The following NUDT5 variants were observed in gnomAD, a reference collection of about 807,000 sequenced individuals.
NUDT5 encodes ADP-sugar pyrophosphatase.
NUDT5 carries 21 observed loss-of-function variants against 34.1 expected under a neutral mutation model. The ratio of observed to expected loss-of-function variants is 0.62; its 90% CI spans 0.44 to 0.89. The LOEUF is 0.89. NUDT5 is among the 40% of genes least tolerant of loss of function. The probability of loss-of-function intolerance (pLI) is 0.00; values close to 1 mark genes in which losing one functional copy is unlikely to be tolerated. For missense variants in NUDT5, 249 were observed against 274.8 expected (o/e 0.91, Z 0.66); for synonymous variants, 85 against 97.6 (o/e 0.87, Z 0.76).
In NUDT5 at chr10:12,172,738, C is replaced by T. The variant is rs560114676; in HGVS notation, c.487+27G>A. On this transcript the variant is annotated intron_variant, in intron 7 of 9. Transcript: ENST00000491614. ...CAAGACACGTAATGCAACCACACCA[C>T]CTTCATCACAGCCGACACACACATA... is the stretch of plus-strand genomic sequence containing the variant. 9.1e-6 allele frequency: 14 copies of T among 1,530,214 alleles called. No individual in the cohort carries two copies. The African/African-American group carries it at 1.5e-4, about 16-fold the overall frequency. 94.8% of individuals were successfully genotyped at this position (1,530,214 alleles called of 1,614,324 possible). A position where few individuals can be genotyped will look rare whatever the true frequency, so the allele number is the denominator to read the frequency against.
rs142660383 is a variant in NUDT5 at position 12,185,349 on chromosome 10, G to C, written c.64-393C>G. On this transcript the variant is annotated intron_variant, in intron 2 of 9. Transcript: ENST00000491614. Reference sequence around the variant, plus strand: ...ACAACACAGGTGAGTTTCATATGTAGAAATGGCCATTTCTAGACACTGGTA... The same window carrying C: ...ACAACACAGGTGAGTTTCATATGTACAAATGGCCATTTCTAGACACTGGTA... Among the ~76,000 whole-genome samples, 112 of 152,326 alleles carry C rather than the reference G, an allele frequency of 7.4e-4. 1 individual carries two copies. Among genetic ancestry groups the C allele is most frequent in the Middle Eastern group, 3.4e-3 (1 of 294 alleles).
At chr10:12,188,599 G>T (rs2131716727) in intron 1 of NUDT5, among the ~76,000 whole-genome samples, 1 of 152,088 alleles carries the variant, frequency 6.6e-6, no homozygotes, top group Non-Finnish European at 1.5e-5. Flanking sequence ...GACGTGGTGG[G>T]GTGCGCCTGT....
rs183262569 is a variant in NUDT5, at chr10:12,168,377, G to A, written c.551-566C>T. On this transcript the variant is annotated intron_variant, in intron 9 of 9. Coordinates refer to ENST00000491614, the MANE Select transcript of NUDT5 (RefSeq NM_014142.4). The surrounding 1 kb of genome is among the most constrained non-coding windows in gnomAD (Gnocchi z 4.8). ...AAGTTGGAAGTGTATAGAGCCAATC[G>A]CTATACCTCATTTATAGCTGGGGTA... Among the ~76,000 whole-genome samples, 721 of 152,268 alleles carry A rather than the reference G, an allele frequency of 4.7e-3. 3 individuals are homozygous for A. The highest frequency in any genetic ancestry group is 8.0e-3 in the Non-Finnish European group (545 of 68,010).
chr10:12,186,774 T>C (rs763784113), intron 1 of NUDT5, among the ~76,000 whole-genome samples: 2 of 151,106 alleles, frequency 1.3e-5, no homozygotes, highest in Admixed American at 6.6e-5. Flanking sequence ...ATTACAGGCA[T>C]ACATCACCAG....
intron 1 of NUDT5, among the ~76,000 whole-genome samples, chr10:12,193,866 A>G (rs899023788): frequency 1.5e-4 from 21 of 143,930 alleles, no homozygotes; most frequent in African/African-American, 5.0e-4. Context: ...TAATCTCTAC[A>G]CTCTTTTTTT....
chr10:12,169,128 G>A lies in NUDT5; in HGVS notation c.551-1317C>T, dbSNP rs1430936297. 16 of 564,576 alleles carry A rather than the reference G, an allele frequency of 2.8e-5. No homozygotes were observed. The highest frequency in any genetic ancestry group is 1.2e-4 in the East Asian group (4 of 32,040). The allele number at this position is 564,576 out of a possible 1,614,324, so 35.0% of individuals were successfully genotyped here. A position where few individuals can be genotyped will look rare whatever the true frequency, so the allele number is the denominator to read the frequency against. ...CTCAAATGTTGCTGGTTGAATAAAC[G>A]GTTTGATTACTGTATTTTGATTCTG... On this transcript the variant is annotated intron_variant, in intron 9 of 9. Coordinates refer to ENST00000491614, the MANE Select transcript of NUDT5 (RefSeq NM_014142.4). The surrounding 1 kb of genome is among the most constrained non-coding windows in gnomAD (Gnocchi z 4.8).
rs1834749241 is a variant in NUDT5 at position 12,168,005 on chromosome 10, G to A, written c.551-194C>T. ...AGGCAAGATTACATTCCTAGCATGA[G>A]ACAAGAACATCAGGGATAATGATTT... On this transcript the variant is annotated intron_variant, in intron 9 of 9. Coordinates refer to ENST00000491614, the MANE Select transcript of NUDT5 (RefSeq NM_014142.4). The surrounding 1 kb of genome is among the most constrained non-coding windows in gnomAD (Gnocchi z 4.8). 7.6e-6 allele frequency: 8 copies of A among 1,047,370 alleles called. No homozygotes were observed. The highest frequency in any genetic ancestry group is 4.0e-5 in the South Asian group (2 of 49,942). 64.9% of individuals were successfully genotyped at this position (1,047,370 alleles called of 1,614,324 possible).
chr10:12,165,341 C>T lies in NUDT5; in HGVS notation c.*2361G>A. 1 of 981,494 alleles carries T rather than the reference C, an allele frequency of 1.0e-6. No individual in the cohort carries two copies. The highest frequency in any genetic ancestry group is 4.7e-5 in the South Asian group (1 of 21,204). 60.8% of individuals were successfully genotyped at this position (981,494 alleles called of 1,614,324 possible). A position where few individuals can be genotyped will look rare whatever the true frequency, so the allele number is the denominator to read the frequency against. ...CAGCAACATGAGTGTAAACAGTAGA[C>T]AATAAACTTTTATTTAAGAAAACTG... On this transcript the variant is annotated 3_prime_UTR_variant, in exon 10 of 10. Transcript: ENST00000491614.
At chr10:12,172,906 G>C (rs1232549518) in intron 6 of NUDT5, 40 bp from the exon 7 acceptor site, 1 of 1,429,554 alleles carries the variant, frequency 7.0e-7, no homozygotes, top group South Asian at 1.2e-5. Flanking sequence ...CAGTCCCTTT[G>C]GCATTTGTTT....
chr10:12,182,608 G>C lies in NUDT5; in HGVS notation c.131+2281C>G, dbSNP rs772339331. 6.6e-6 allele frequency among the ~76,000 whole-genome samples: 1 copy of C among 152,188 alleles called. No individual in the cohort carries two copies. Among genetic ancestry groups the C allele is most frequent in the South Asian group, 2.1e-4 (1 of 4,828 alleles). Reference sequence around the variant, plus strand: ...CCCAATCTACTGAAATAGATATTCTGAAGTGAGATTTCGTCGTATTTTCAG... The same window carrying C: ...CCCAATCTACTGAAATAGATATTCTCAAGTGAGATTTCGTCGTATTTTCAG... On this transcript the variant is annotated intron_variant, in intron 3 of 9. Coordinates refer to ENST00000491614, the MANE Select transcript of NUDT5 (RefSeq NM_014142.4). The surrounding 1 kb of genome is among the most constrained non-coding windows in gnomAD (Gnocchi z 4.3).
chr10:12,184,388 C>T lies in NUDT5; in HGVS notation c.131+501G>A. 10 of 884,856 alleles carry T rather than the reference C, an allele frequency of 1.1e-5. No individual in the cohort carries two copies. The South Asian group carries it at 1.9e-4, about 17-fold the overall frequency. 54.8% of individuals were successfully genotyped at this position (884,856 alleles called of 1,614,324 possible). On this transcript the variant is annotated intron_variant, in intron 3 of 9. Coordinates refer to ENST00000491614, the MANE Select transcript of NUDT5 (RefSeq NM_014142.4). ...TAACACTTTGTTAAAACTGGGATTA[C>T]TCGGTCAAAGGGTACAGTATCTTTA...
intron 2 of NUDT5, among the ~76,000 whole-genome samples, 158 bp from the exon 3 acceptor site, chr10:12,185,114 G>A (rs1477842697): frequency 2.0e-5 from 3 of 151,812 alleles, no homozygotes; most frequent in African/African-American, 7.3e-5. Flanking sequence ...TTCAGAGTAG[G>A]TAGGTATTCA....
In NUDT5 at chr10:12,170,720, C is replaced by T. The variant is rs757551721; in HGVS notation, c.547G>A (p.Asp183Asn). The change falls in exon 9 of 10, where the codon GAT (aspartate) becomes AAT (asparagine). Residue 183 changes from aspartate (D) to asparagine (N), a missense_variant. By Grantham distance (23) the Asp-to-Asn change is conservative. Transcript: ENST00000491614. The surrounding 1 kb of genome is among the most constrained non-coding windows in gnomAD (Gnocchi z 4.9). Reference protein sequence around the residue: ...LPKNDLLQRLDALVAEEHLTV... With the variant: ...LPKNDLLQRLNALVAEEHLTV... The stretch of plus-strand genomic sequence containing the variant: ...TGGCGGTCTGGAGAATGCTTACCAT[C>T]AAGTCTCTGCAGCAGGTCATTCTTG... The T allele has an allele frequency of 3.3e-5, 53 of 1,613,530 alleles. No homozygotes were observed. The highest frequency in any genetic ancestry group is 4.1e-5 in the Non-Finnish European group (48 of 1,179,982).
At position 12,186,340 on chromosome 10, in the gene NUDT5, A is replaced by AT. The variant is rs761124016; in HGVS notation, c.-41-9dup. 4.6e-6 allele frequency: 6 copies of AT among 1,302,622 alleles called. No individual in the cohort carries two copies. The highest frequency in any genetic ancestry group is 6.7e-6 in the Non-Finnish European group (6 of 896,896). The allele number at this position is 1,302,622 out of a possible 1,614,324, so 80.7% of individuals were successfully genotyped here. ...TCAGGTGAGAAGTTCACCCTGCAAG[A>AT]TAATGAGATTTGTTCAGGCTAAAAT... On this transcript the variant is annotated splice_polypyrimidine_tract_variant and intron_variant, in intron 1 of 9. Coordinates refer to ENST00000491614, the MANE Select transcript of NUDT5 (RefSeq NM_014142.4).
intron 5 of NUDT5, among the ~76,000 whole-genome samples, chr10:12,177,433 T>G (rs528904141): frequency 3.9e-4 from 55 of 142,670 alleles, no homozygotes; most frequent in South Asian, 9.1e-4. Context: ...GCAGGAGAAT[T>G]GCTTGAACCC....
At position 12,168,438 on chromosome 10, in the gene NUDT5, A is replaced by G. The variant is rs952132267; in HGVS notation, c.551-627T>C. On this transcript the variant is annotated intron_variant, in intron 9 of 9. Transcript: ENST00000491614. This position sits in a 1 kb window ranked among gnomAD's most constrained non-coding sequence, Gnocchi z 4.8. ...TTTCTGAAACCAGATGGTGATGATT[A>G]TGTAGGATCTTAGGGATTCCATCTT... Among the ~76,000 whole-genome samples the G allele has an allele frequency of 6.6e-6, 1 of 152,226 alleles. No homozygotes were observed. Among genetic ancestry groups the G allele is most frequent in the Non-Finnish European group, 1.5e-5 (1 of 68,038 alleles).
chr10:12,188,310 C>T (rs1244560560), intron 1 of NUDT5, among the ~76,000 whole-genome samples: 1 of 152,210 alleles, frequency 6.6e-6, no homozygotes, highest in East Asian at 1.9e-4. Context: ...TTCTAAAATA[C>T]AATCAATAAC....
intron 1 of NUDT5, among the ~76,000 whole-genome samples, chr10:12,191,381 TCAAAAA>T (rs1195606538): frequency 2.7e-5 from 4 of 150,330 alleles, no homozygotes; most frequent in Non-Finnish European, 5.9e-5. Flanking sequence ...AGACTCCGTC[TCAAAAA>T]CAAAAACAAA....
chr10:12,170,446 C>G lies in NUDT5; in HGVS notation c.550+271G>C, dbSNP rs1588654007. The G allele has an allele frequency of 1.6e-6, 1 of 614,866 alleles. No individual in the cohort carries two copies. Among genetic ancestry groups the G allele is most frequent in the African/African-American group, 1.8e-5 (1 of 54,104 alleles). 38.1% of individuals were successfully genotyped at this position (614,866 alleles called of 1,614,324 possible). ...AAAGTGTAGAATCGTTTTGGCTACT[C>G]AGCAGGAATGTCATCTGGGCCATTC... On this transcript the variant is annotated intron_variant, in intron 9 of 9. Coordinates refer to ENST00000491614, the MANE Select transcript of NUDT5 (RefSeq NM_014142.4). This position sits in a 1 kb window ranked among gnomAD's most constrained non-coding sequence, Gnocchi z 4.9.
Sources: gnomAD v4.1 joint callset for allele counts (sites outside exome capture counted in the v4.1 genomes callset) on GRCh38, gnomAD v4.1.1 for gene constraint, Gnocchi (gnomAD v3.1) non-coding constraint, MANE v1.5 for transcripts, NCBI Gene and HGNC (gene_info 2026-07-23, HGNC 2026-07-21) for gene names.